The following CDK19 variants were observed in gnomAD, a reference collection of about 807,000 sequenced individuals.
CDK19 encodes the protein cyclin dependent kinase 19, also known as cyclin-dependent kinase 19.
A neutral mutation model predicts 68.3 loss-of-function variants in CDK19; 20 were observed. The ratio of observed to expected loss-of-function variants is 0.29; its 90% CI spans 0.21 to 0.43. The LOEUF (loss-of-function observed/expected upper bound fraction) is 0.43, where lower values mean the gene tolerates loss of function less well. CDK19 is among the 20% of genes least tolerant of loss of function. CDK19 has a pLI of 1.00. For synonymous variants in CDK19, 221 were observed against 222.8 expected (o/e 0.99, Z 0.07); for missense variants, 339 against 623.5 (o/e 0.54, Z 4.86).
At chr6:110,722,039 T>A (rs1194265517) in intron 2 of CDK19, among the ~76,000 whole-genome samples, 1 of 152,192 alleles carries the variant, frequency 6.6e-6, no homozygotes, top group East Asian at 1.9e-4. Context: ...TTCTCTTATC[T>A]GTGTATGTGT....
At position 110,798,151 on chromosome 6, in the gene CDK19, G is replaced by A. The variant is rs115851484; in HGVS notation, c.128+16858C>T. Among the ~76,000 whole-genome samples, 517 of 152,128 alleles carry A rather than the reference G, an allele frequency of 3.4e-3. 2 individuals are homozygous for A. Among genetic ancestry groups the A allele is most frequent in the African/African-American group, 0.012 (486 of 41,524 alleles). Reference sequence around the variant, plus strand: ...GAACAGTACTCCACAAACATGAGTGGTAACAAGAGTTCCATCCCAGGATGC... The same window carrying A: ...GAACAGTACTCCACAAACATGAGTGATAACAAGAGTTCCATCCCAGGATGC... On this transcript the variant is annotated intron_variant, in intron 1 of 12. Transcript: ENST00000368911.
At chr6:110,734,150 C>T (rs1776991221) in intron 2 of CDK19, among the ~76,000 whole-genome samples, 1 of 152,056 alleles carries the variant, frequency 6.6e-6, no homozygotes, top group Non-Finnish European at 1.5e-5. Context: ...GCTGGGATTA[C>T]AGGCACCCGC....
chr6:110,779,726 G>A (rs1203056312), intron 1 of CDK19, among the ~76,000 whole-genome samples: 1 of 151,912 alleles, frequency 6.6e-6, no homozygotes, highest in African/African-American at 2.4e-5. Flanking sequence ...GGCCAGCCTG[G>A]GCAAAACAGT....
chr6:110,646,447 C>T (rs1780584196), intron 4 of CDK19: 1 of 1,499,344 alleles, frequency 6.7e-7, no homozygotes, highest in South Asian at 1.3e-5. Flanking sequence ...ACCCCATGCA[C>T]CGCCTCATCC....
At chr6:110,668,400 T>A (rs762501971) in intron 3 of CDK19, among the ~76,000 whole-genome samples, 4 of 152,244 alleles carry the variant, frequency 2.6e-5, no homozygotes, top group Non-Finnish European at 5.9e-5. Context: ...TACAGCTTTT[T>A]TATTTTTATA....
At chr6:110,813,268 G>A (rs1341470378) in intron 1 of CDK19, 2 of 151,934 alleles carry the variant, frequency 1.3e-5, no homozygotes, top group South Asian at 2.1e-4. Flanking sequence ...CAATTCAGAA[G>A]CAGAATTTTT....
Position 110,613,819 on chromosome 6 carries a change from C to T in CDK19, c.*716G>A, listed in dbSNP as rs1778148032. The T allele has an allele frequency of 6.6e-6, 1 of 152,580 alleles. No individual in the cohort carries two copies. Among genetic ancestry groups the T allele is most frequent in the African/African-American group, 2.4e-5 (1 of 41,432 alleles). The allele number at this position is 152,580 out of a possible 1,614,324, so 9.5% of individuals were successfully genotyped here. On this transcript the variant is annotated 3_prime_UTR_variant, in exon 13 of 13. Coordinates refer to ENST00000368911, the MANE Select transcript of CDK19 (RefSeq NM_015076.5). ...GAATGCTATTCAGAATAAGATGATG[C>T]TGGGAACTCAGTTCCATATGAATGA...
At chr6:110,668,847 A>C (rs1051192951) in intron 3 of CDK19, among the ~76,000 whole-genome samples, 22 of 151,964 alleles carry the variant, frequency 1.4e-4, no homozygotes, top group Admixed American at 1.4e-3. Context: ...AAAAAAAAAA[A>C]GAAACAGGTA....
chr6:110,702,589 T>C (rs570888985), intron 2 of CDK19, among the ~76,000 whole-genome samples: 2 of 152,166 alleles, frequency 1.3e-5, no homozygotes, highest in Non-Finnish European at 2.9e-5. Flanking sequence ...ATCGCATCAC[T>C]GCACTTTAGC....
intron 2 of CDK19, among the ~76,000 whole-genome samples, chr6:110,688,047 A>G (rs770255051): frequency 6.6e-6 from 1 of 152,138 alleles, no homozygotes; most frequent in South Asian, 2.1e-4. Flanking sequence ...ACTTCGATAC[A>G]CTTCAAACAA....
At chr6:110,809,469 C>T (rs1292592050) in intron 1 of CDK19, among the ~76,000 whole-genome samples, 2 of 151,618 alleles carry the variant, frequency 1.3e-5, no homozygotes, top group African/African-American at 4.8e-5. Context: ...CAGTCAGCTA[C>T]GACTGCACGA....
chr6:110,631,085 G>C (rs1202477078), intron 6 of CDK19, among the ~76,000 whole-genome samples: 2 of 152,116 alleles, frequency 1.3e-5, no homozygotes, highest in East Asian at 3.9e-4. Flanking sequence ...GATTGTGCTT[G>C]TCTATTTTTA....
intron 1 of CDK19, among the ~76,000 whole-genome samples, chr6:110,779,332 C>T (rs56247987): frequency 2.9e-3 from 435 of 152,262 alleles, no homozygotes; most frequent in Non-Finnish European, 4.7e-3. Flanking sequence ...CTCCAAAAAG[C>T]TTTCCTGCTG....
intron 2 of CDK19, among the ~76,000 whole-genome samples, chr6:110,692,130 C>T (rs1209779155): frequency 6.6e-6 from 1 of 151,330 alleles, no homozygotes; most frequent in African/African-American, 2.4e-5. Context: ...CCAGTCTCTA[C>T]TAAAAATACA....
intron 2 of CDK19, among the ~76,000 whole-genome samples, chr6:110,709,284 C>T (rs1774755110): frequency 1.3e-5 from 2 of 152,116 alleles, no homozygotes; most frequent in African/African-American, 2.4e-5. Flanking sequence ...CCTCTCTCAT[C>T]ACTCCTGTTC....
In CDK19 at chr6:110,773,721, C is replaced by T. The variant is rs58754811; in HGVS notation, c.129-27520G>A. On this transcript the variant is annotated intron_variant, in intron 1 of 12. Coordinates refer to ENST00000368911, the MANE Select transcript of CDK19 (RefSeq NM_015076.5). The stretch of plus-strand genomic sequence containing the variant: ...TTTAGTAATACTGAATACAATTGTA[C>T]GGGTATTATCTTGGTTTTAAATTTT... Among the ~76,000 whole-genome samples, 897 of 151,838 alleles carry T rather than the reference C, an allele frequency of 5.9e-3. 10 individuals are homozygous for T. Among genetic ancestry groups the T allele is most frequent in the African/African-American group, 0.019 (780 of 41,344 alleles).
intron 2 of CDK19, among the ~76,000 whole-genome samples, chr6:110,733,700 A>G (rs1297930452): frequency 6.6e-6 from 1 of 151,740 alleles, no homozygotes; most frequent in Admixed American, 6.6e-5. Flanking sequence ...TATATTTTAT[A>G]TATATCGCTA....
At chr6:110,776,126 TAACTAAG>T (rs1249856845) in intron 1 of CDK19, among the ~76,000 whole-genome samples, 11 of 152,168 alleles carry the variant, frequency 7.2e-5, no homozygotes, top group Non-Finnish European at 1.3e-4. Context: ...CAAAAGCTGT[TAACTAAG>T]AACCAGAGAA....
At chr6:110,810,764 A>G (rs1783025449) in intron 1 of CDK19, among the ~76,000 whole-genome samples, 1 of 150,486 alleles carries the variant, frequency 6.6e-6, no homozygotes, top group Non-Finnish European at 1.5e-5. Context: ...ACAAGAGCAA[A>G]CTCCATCTCA....
Sources: allele counts gnomAD v4.1 joint callset (sites outside exome capture counted in the v4.1 genomes callset), GRCh38; gene constraint gnomAD v4.1.1; transcripts MANE v1.5; gene names NCBI Gene and HGNC (gene_info 2026-07-23, HGNC 2026-07-21).